The following CDH26 variants were observed in gnomAD, a reference collection of about 807,000 sequenced individuals.
CDH26 encodes the protein cadherin 26.
CDH26 carries 83 observed loss-of-function variants against 90.3 expected under a neutral mutation model. The ratio of observed to expected loss-of-function variants is 0.92; its 90% CI spans 0.77 to 1.10. The LOEUF (loss-of-function observed/expected upper bound fraction) is 1.10. Among genes scored for constraint, CDH26 ranks in the 50% least tolerant of loss-of-function variants. CDH26 has a pLI of 0.00. For missense variants in CDH26, 1,013 were observed against 1,037.6 expected, an observed-to-expected ratio of 0.98 and a Z score of 0.33; for synonymous variants, 397 against 396.3, an observed-to-expected ratio of 1.00 and a Z score of -0.02.
intron 1 of CDH26, among the ~76,000 whole-genome samples, chr20:59,964,222 C>T (rs1484233859): frequency 1.3e-5 from 2 of 152,220 alleles, no homozygotes; most frequent in African/African-American, 2.4e-5. Context: ...TCACAGATTA[C>T]ATCTTCATTC....
At chr20:59,979,216 T>TTC (rs1033015590) in intron 4 of CDH26, among the ~76,000 whole-genome samples, 7 of 151,230 alleles carry the variant, frequency 4.6e-5, no homozygotes, top group African/African-American at 1.7e-4. Context: ...TTTTTTTTTT[T>TTC]TGAGACGGAG....
intron 4 of CDH26, among the ~76,000 whole-genome samples, 154 bp downstream of exon 4, chr20:59,972,277 T>C (rs2061272546): frequency 1.3e-5 from 2 of 152,186 alleles, no homozygotes; most frequent in African/African-American, 2.4e-5. Context: ...CCTGAGACTT[T>C]TGTAATCTTC....
At chr20:59,994,104 T>G in intron 10 of CDH26, 146 bp from the exon 11 acceptor site, 1 of 1,019,904 alleles carries the variant, frequency 9.8e-7, no homozygotes, top group Non-Finnish European at 1.4e-6. Flanking sequence ...ACAGATCACG[T>G]GCATGCCAGG....
intron 7 of CDH26, among the ~76,000 whole-genome samples, chr20:60,023,965 G>GAC (rs1469559836): frequency 8.3e-6 from 1 of 120,836 alleles, no homozygotes; most frequent in Non-Finnish European, 1.9e-5. Context: ...CAGAGGGAGA[G>GAC]AGAGAGAGAG....
In CDH26 at chr20:59,978,959, C is replaced by T. The variant is rs116719706; in HGVS notation, c.394-3964C>T. 9.1e-3 allele frequency among the ~76,000 whole-genome samples: 1,391 copies of T among 152,116 alleles called. 18 individuals carry two copies. The highest frequency in any genetic ancestry group is 0.031 in the African/African-American group (1,293 of 41,486). Reference sequence around the variant, plus strand: ...AAAATTTATTTTCAAAACTTGTGTACGGTAAAATTTGTATCTCTTGATGTA... The same window carrying T: ...AAAATTTATTTTCAAAACTTGTGTATGGTAAAATTTGTATCTCTTGATGTA... On this transcript the variant is annotated intron_variant, in intron 4 of 17. Coordinates refer to ENST00000348616, the MANE Select transcript of CDH26 (RefSeq NM_177980.4).
intron 16 of CDH26, 39 bp from the exon 17 acceptor site, chr20:60,006,674 G>T (rs2061755685): frequency 6.7e-7 from 1 of 1,494,548 alleles, no homozygotes; most frequent in Non-Finnish European, 9.3e-7. Flanking sequence ...TAGGACAAGG[G>T]CTCTGCTGTG....
chr20:59,996,461 C>A lies in CDH26; in HGVS notation c.1889-170C>A, dbSNP rs1380271345. Reference sequence around the variant, plus strand: ...AATTCAACAAACAGTTATGTAGCATCTACTGGTACCCTGGAACTGTGCTGA... The same window carrying A: ...AATTCAACAAACAGTTATGTAGCATATACTGGTACCCTGGAACTGTGCTGA... On this transcript the variant is annotated intron_variant, in intron 12 of 17. Transcript: ENST00000348616. The A allele has an allele frequency of 1.9e-6, 3 of 1,605,306 alleles. No individual in the cohort carries two copies. The African/African-American group carries it at 4.0e-5, about 21-fold the overall frequency.
chr20:60,033,762 A>G, exon 9 of CDH26: 1 of 1,150,202 alleles, frequency 8.7e-7, no homozygotes, highest in Middle Eastern at 3.8e-4. Flanking sequence ...GCAATTATCC[A>G]GGTAGACAAG....
intron 17 of CDH26, among the ~76,000 whole-genome samples, chr20:60,010,710 G>A (rs570358904): frequency 6.6e-6 from 1 of 152,344 alleles, no homozygotes; most frequent in East Asian, 1.9e-4. Flanking sequence ...ACCTAAGGCA[G>A]GAGAGGTTGG....
intron 3 of CDH26, among the ~76,000 whole-genome samples, chr20:59,971,210 A>G (rs968390968): frequency 2.0e-5 from 3 of 152,200 alleles, no homozygotes; most frequent in African/African-American, 4.8e-5. Flanking sequence ...AAAAACAAAC[A>G]TAAAGAGTAC....
At chr20:60,020,999 TCTACA>T (rs2061947961) in intron 7 of CDH26, among the ~76,000 whole-genome samples, 1 of 152,218 alleles carries the variant, frequency 6.6e-6, no homozygotes, top group Admixed American at 6.5e-5. Flanking sequence ...GCACGGTGCC[TCTACA>T]CTGCCCTCCT....
rs554658848 is a variant in CDH26, at chr20:59,992,586, T to C, written c.1426+66T>C. On this transcript the variant is annotated intron_variant, in intron 10 of 17. Coordinates refer to ENST00000348616, the MANE Select transcript of CDH26 (RefSeq NM_177980.4). The surrounding 1 kb of genome is among the most constrained non-coding windows in gnomAD (Gnocchi z 5.0). Reference sequence around the variant, plus strand: ...CTTGCTTCCTGCGGGAAAATAACCCTGGTGAGCGTCTTTCAGCACAGCAGA... The same window carrying C: ...CTTGCTTCCTGCGGGAAAATAACCCCGGTGAGCGTCTTTCAGCACAGCAGA... The C allele has an allele frequency of 2.6e-6, 4 of 1,530,158 alleles. No homozygotes were observed. Among genetic ancestry groups the C allele is most frequent in the African/African-American group, 1.4e-5 (1 of 73,324 alleles). The allele number at this position is 1,530,158 out of a possible 1,614,324, so 94.8% of individuals were successfully genotyped here. A position where few individuals can be genotyped will look rare whatever the true frequency, so the allele number is the denominator to read the frequency against.
At position 59,994,259 on chromosome 20, in the gene CDH26, C is replaced by G; in HGVS notation, c.1436C>G (p.Pro479Arg). The change falls in exon 11 of 18, where the codon CCG (proline) becomes CGG (arginine). Residue 479 changes from proline to arginine, a missense_variant. By Grantham distance (103) the Pro-to-Arg change is moderately radical. Coordinates refer to ENST00000348616, the MANE Select transcript of CDH26 (RefSeq NM_177980.4). The stretch of plus-strand genomic sequence containing the variant: ...TTCCTCCCCATACAAGGCTTCCCAC[C>G]GCAGACTGCTACAGGGACCCTAATG... Reference protein sequence around the residue: ...IIHAVDDGFPPQTATGTLMLF... With the variant: ...IIHAVDDGFPRQTATGTLMLF... 1 of 1,613,936 alleles carries G rather than the reference C, an allele frequency of 6.2e-7. No individual in the cohort carries two copies. The highest frequency in any genetic ancestry group is 1.1e-5 in the South Asian group (1 of 91,038).
At chr20:59,966,902 G>A (rs1331178563) in intron 1 of CDH26, among the ~76,000 whole-genome samples, 1 of 151,900 alleles carries the variant, frequency 6.6e-6, no homozygotes, top group Non-Finnish European at 1.5e-5. Context: ...ATAGTGAAAT[G>A]TTCTACAGCA....
rs746772201 is a variant in CDH26, at chr20:59,989,074, C to G, written c.1194C>G (p.Pro398=). ...TDANDPPAFH[P]QSFIVNKEEG... ...CCAACGACCCACCAGCCTTTCACCC[C>G]CAGAGCTTCATTGTCAATAAAGAGG... Residue 398 remains proline (P), a synonymous_variant, in exon 9 of 18, where the codon CCC becomes CCG. Coordinates refer to ENST00000348616, the MANE Select transcript of CDH26 (RefSeq NM_177980.4). The G allele has an allele frequency of 4.8e-5, 78 of 1,614,044 alleles. No homozygotes were observed. The highest frequency in any genetic ancestry group is 6.3e-5 in the Non-Finnish European group (74 of 1,180,056).
intron 16 of CDH26, among the ~76,000 whole-genome samples, chr20:60,005,490 A>ATGTG (rs2061736137): frequency 6.6e-6 from 1 of 151,380 alleles, no homozygotes; most frequent in Non-Finnish European, 1.5e-5. Flanking sequence ...GTATGTATGT[A>ATGTG]TGTATGTATG....
chr20:60,009,448 A>G (rs1338640836), intron 17 of CDH26, among the ~76,000 whole-genome samples: 1 of 152,248 alleles, frequency 6.6e-6, no homozygotes, highest in Non-Finnish European at 1.5e-5. Flanking sequence ...ACGTGAACGC[A>G]TGCACATGCA....
Position 60,012,850 on chromosome 20 carries a change from A to T in CDH26, c.*120A>T. 1.2e-6 allele frequency: 1 copy of T among 842,250 alleles called. No homozygotes were observed. Among genetic ancestry groups the T allele is most frequent in the Non-Finnish European group, 1.8e-6 (1 of 544,030 alleles). 52.2% of individuals were successfully genotyped at this position (842,250 alleles called of 1,614,324 possible). A position where few individuals can be genotyped will look rare whatever the true frequency, so the allele number is the denominator to read the frequency against. ...AGAAAAATTACCTTCTAGTCCTAGG[A>T]TGAGGACACACTATTAGTTTGAATT... On this transcript the variant is annotated 3_prime_UTR_variant, in exon 18 of 18. Transcript: ENST00000348616.
At chr20:59,973,256 C>G (rs2061286629) in intron 4 of CDH26, among the ~76,000 whole-genome samples, 1 of 152,204 alleles carries the variant, frequency 6.6e-6, no homozygotes, top group Middle Eastern at 3.2e-3. Flanking sequence ...TGCTGCTGTT[C>G]CTCGGGCTTC....
Sources: gnomAD v4.1 joint callset for allele counts (sites outside exome capture counted in the v4.1 genomes callset) on GRCh38, gnomAD v4.1.1 for gene constraint, Gnocchi (gnomAD v3.1) non-coding constraint, MANE v1.5 for transcripts, NCBI Gene and HGNC (gene_info 2026-07-23, HGNC 2026-07-21) for gene names.